PTCD3: variants seen among roughly 807,000 people sequenced by gnomAD.
PTCD3 encodes pentatricopeptide repeat domain 3.
PTCD3 carries 89 observed loss-of-function variants against 101.9 expected under a neutral mutation model. That is an observed-to-expected ratio of 0.87 (90% CI 0.74 to 1.04). The LOEUF (loss-of-function observed/expected upper bound fraction) is 1.04, where lower values mean the gene tolerates loss of function less well. Among genes scored for constraint, PTCD3 ranks in the 50% least tolerant of loss-of-function variants. The pLI is 0.00. For synonymous variants in PTCD3, 296 were observed against 278.5 expected, an observed-to-expected ratio of 1.06 and a Z score of -0.63; for missense variants, 870 against 828.2, an observed-to-expected ratio of 1.05 and a Z score of -0.62.
intron 7 of PTCD3, 123 bp from the exon 8 acceptor site, chr2:86,121,356 A>C (rs1674276932): frequency 5.4e-6 from 3 of 560,316 alleles, no homozygotes; most frequent in Non-Finnish European, 9.3e-6. Flanking sequence ...AAAGTAGTGG[A>C]CAACATTAAG....
At chr2:86,107,883 C>G (rs1051335397) in intron 1 of PTCD3, among the ~76,000 whole-genome samples, 1 of 152,136 alleles carries the variant, frequency 6.6e-6, no homozygotes, top group Non-Finnish European at 1.5e-5. Context: ...GTTGAAAGTT[C>G]TTCATTTCAA....
chr2:86,110,773 CAACAGT>C (rs2104447198), intron 3 of PTCD3, among the ~76,000 whole-genome samples: 1 of 152,240 alleles, frequency 6.6e-6, no homozygotes, highest in East Asian at 1.9e-4. Flanking sequence ...ATAGTAAAGG[CAACAGT>C]AGTCCCGAAA....
At chr2:86,110,403 G>C (rs1385397947) in intron 3 of PTCD3, among the ~76,000 whole-genome samples, 1 of 152,114 alleles carries the variant, frequency 6.6e-6, no homozygotes, top group Non-Finnish European at 1.5e-5. Flanking sequence ...ACTTTATTTA[G>C]AAAAATACTC....
intron 5 of PTCD3, 96 bp from the exon 6 acceptor site, chr2:86,116,959 T>A (rs1674188226): frequency 1.5e-6 from 1 of 651,154 alleles, no homozygotes; most frequent in Admixed American, 2.7e-5. Flanking sequence ...TTGCATTTGT[T>A]TTTTTTTGTG....
intron 1 of PTCD3, 122 bp downstream of exon 1, chr2:86,106,473 C>T (rs1386056555): frequency 5.1e-6 from 5 of 987,370 alleles, no homozygotes; most frequent in Non-Finnish European, 6.0e-6. Flanking sequence ...TTAACGGTCG[C>T]GTGCCCTTAA....
Position 86,127,288 on chromosome 2 carries a change from T to G in PTCD3, c.1079T>G (p.Met360Arg), listed in dbSNP as rs753982668. Residue 360 changes from methionine (M) to arginine (R), a missense_variant, in exon 13 of 24, where the codon ATG becomes AGG. Transcript: ENST00000254630. ...CCAGCCTTACAGGTTTTACGTGAAA[T>G]GAAAGCCATTGGAATAGGTGAGGAT... ...RSPALQVLRE[M>R]KAIGIEPSLA... The G allele has an allele frequency of 6.2e-7, 1 of 1,614,046 alleles. No homozygotes were observed. Among genetic ancestry groups the G allele is most frequent in the Non-Finnish European group, 8.5e-7 (1 of 1,179,978 alleles).
rs1376292726 is a variant in PTCD3 at position 86,116,585 on chromosome 2, C to A, written c.296C>A (p.Ser99Ter). 6.2e-7 allele frequency: 1 copy of A among 1,607,558 alleles called. No individual in the cohort carries two copies. The highest frequency in any genetic ancestry group is 1.7e-5 in the Admixed American group (1 of 59,992). Residue 99 changes from serine (S) to a stop codon, truncating the protein, a stop_gained, in exon 5 of 24, where the codon TCA becomes TAA. Coordinates refer to ENST00000254630, the MANE Select transcript of PTCD3 (RefSeq NM_017952.6). LOFTEE classifies it high-confidence loss of function. The stretch of plus-strand genomic sequence containing the variant: ...GATGATCCTTACCTTATGCCAGCAT[C>A]ATCTTTGGAATCTGTGAGTATTTTC... ...FQDDPYLMPA[S>*]SLESRSFLLA...
rs1314439356 is a variant in PTCD3 at position 86,131,111 on chromosome 2, G to A, written c.1266+5G>A. 1 of 1,588,034 alleles carries A rather than the reference G, an allele frequency of 6.3e-7. No homozygotes were observed. The highest frequency in any genetic ancestry group is 8.6e-7 in the Non-Finnish European group (1 of 1,166,576). On this transcript the variant is annotated splice_donor_5th_base_variant and intron_variant, in intron 16 of 23. Coordinates refer to ENST00000254630, the MANE Select transcript of PTCD3 (RefSeq NM_017952.6). ...TTTCAGTCAGCCATGAGCATAGTAA[G>A]TATCATTTCTTTATTAATTTGCTAT...
Position 86,139,918 on chromosome 2 carries a change from T to C in PTCD3, c.*2359T>C, listed in dbSNP as rs1674654298. ...GCCACAGAGTTACATTACCAATGTG[T>C]AGAAGTCAGAAACTAGACTTCTAGT... On this transcript the variant is annotated 3_prime_UTR_variant, in exon 24 of 24. Transcript: ENST00000254630. The C allele has an allele frequency of 6.6e-6, 1 of 152,214 alleles. No individual in the cohort carries two copies. Among genetic ancestry groups the C allele is most frequent in the African/African-American group, 2.4e-5 (1 of 41,452 alleles). 9.4% of individuals were successfully genotyped at this position (152,214 alleles called of 1,614,324 possible).
At position 86,138,559 on chromosome 2, in the gene PTCD3, G is replaced by A. The variant is rs1220260512; in HGVS notation, c.*1000G>A. 1 of 151,684 alleles carries A rather than the reference G, an allele frequency of 6.6e-6. No homozygotes were observed. The highest frequency in any genetic ancestry group is 1.9e-4 in the East Asian group (1 of 5,174). The allele number at this position is 151,684 out of a possible 1,614,324, so 9.4% of individuals were successfully genotyped here. ...GATACTCTAGTCTACTTATACTTGT[G>A]TTCCCATCTGTCTGCCATCCTCTGA... On this transcript the variant is annotated 3_prime_UTR_variant, in exon 24 of 24. Coordinates refer to ENST00000254630, the MANE Select transcript of PTCD3 (RefSeq NM_017952.6).
intron 20 of PTCD3, 78 bp downstream of exon 20, chr2:86,134,455 C>T (rs559440725): frequency 7.4e-6 from 9 of 1,221,822 alleles, no homozygotes; most frequent in South Asian, 2.6e-5. Context: ...GTTTTATCTG[C>T]CATTTTGGAG....
Position 86,134,905 on chromosome 2 carries a change from C to G in PTCD3, c.1696C>G (p.Gln566Glu). 1.2e-6 allele frequency: 2 copies of G among 1,614,150 alleles called. No individual in the cohort carries two copies. The highest frequency in any genetic ancestry group is 1.7e-6 in the Non-Finnish European group (2 of 1,179,986). Reference sequence around the variant, plus strand: ...TGCGTATGAAAGCCAACCCATCAGACAGACTGCTCAGGATTGGCCAGCCAC... The same window carrying G: ...TGCGTATGAAAGCCAACCCATCAGAGAGACTGCTCAGGATTGGCCAGCCAC... ...KSAYESQPIR[Q>E]TAQDWPATSL... The change falls in exon 21 of 24, where the codon CAG becomes GAG. Residue 566 changes from glutamine to glutamate, a missense_variant. Physicochemically the swap from Gln to Glu is conservative, Grantham distance 29. Coordinates refer to ENST00000254630, the MANE Select transcript of PTCD3 (RefSeq NM_017952.6).
chr2:86,125,118 C>A (rs566335756), intron 10 of PTCD3, 36 bp downstream of exon 10: 1 of 1,609,450 alleles, frequency 6.2e-7, no homozygotes, highest in East Asian at 2.2e-5. Flanking sequence ...CTTTCATTTC[C>A]ACCGATCAGG....
intron 14 of PTCD3, among the ~76,000 whole-genome samples, chr2:86,129,601 C>A (rs960222562): frequency 6.6e-6 from 1 of 152,132 alleles, no homozygotes; most frequent in Non-Finnish European, 1.5e-5. Flanking sequence ...GCGTTTGCCC[C>A]ACTGCACTCC....
At chr2:86,118,483 TGAG>T (rs67474071) in intron 6 of PTCD3, among the ~76,000 whole-genome samples, 8,480 of 152,240 alleles carry the variant, frequency 0.056, 344 homozygotes, top group Non-Finnish European at 0.085. Flanking sequence ...TGCACATAGA[TGAG>T]GAAGCCAGTG....
chr2:86,135,314 A>G (rs1423303270), intron 21 of PTCD3: 1 of 192,408 alleles, frequency 5.2e-6, no homozygotes, highest in African/African-American at 2.3e-5. Context: ...AGTTTTGAAA[A>G]TGGTTTGGTC....
Position 86,133,386 on chromosome 2 carries a change from A to G in PTCD3, c.1493A>G (p.Gln498Arg). The G allele has an allele frequency of 1.9e-6, 3 of 1,614,194 alleles. No homozygotes were observed. The East Asian group carries it at 6.7e-5, about 36-fold the overall frequency. Residue 498 changes from glutamine to arginine, a missense_variant, in exon 19 of 24, where the codon CAA becomes CGA. Transcript: ENST00000254630. ...PHSQTMIHLL[Q>R]ALDVANRLEV... ...TCCCAAACAATGATACATCTTCTCCAAGCATTGGATGTGGCCAATCGGCTA... is the reference window on the plus strand; with the variant it reads ...TCCCAAACAATGATACATCTTCTCCGAGCATTGGATGTGGCCAATCGGCTA...
At position 86,137,268 on chromosome 2, in the gene PTCD3, CTA is replaced by C. The variant is rs540785464; in HGVS notation, c.1979+130_1979+131del. On this transcript the variant is annotated intron_variant, in intron 23 of 23. Transcript: ENST00000254630. The stretch of plus-strand genomic sequence containing the variant: ...AAGTCAGAATGTAGTAATTTAATGA[CTA>C]TTTCATTTGTCATGCAAGTCAGGAA... 1.6e-3 allele frequency: 2,065 copies of C among 1,314,210 alleles called. 2 individuals are homozygous for C. The highest frequency in any genetic ancestry group is 2.0e-3 in the Non-Finnish European group (1,915 of 969,620). 81.4% of individuals were successfully genotyped at this position (1,314,210 alleles called of 1,614,324 possible). A position where few individuals can be genotyped will look rare whatever the true frequency, so the allele number is the denominator to read the frequency against.
At chr2:86,114,444 C>T (rs565760970) in intron 4 of PTCD3, among the ~76,000 whole-genome samples, 2 of 152,166 alleles carry the variant, frequency 1.3e-5, no homozygotes, top group African/African-American at 4.8e-5. Context: ...CCCCCACCCC[C>T]ACGCCCGGCT....
Sources: gnomAD v4.1 joint callset for allele counts (sites outside exome capture counted in the v4.1 genomes callset) on GRCh38, gnomAD v4.1.1 for gene constraint, MANE v1.5 for transcripts, NCBI Gene and HGNC (gene_info 2026-07-23, HGNC 2026-07-21) for gene names.